SLC5A4: variants seen among roughly 807,000 people sequenced by gnomAD.
SLC5A4 encodes solute carrier family 5 member 4.
A neutral mutation model predicts 70.3 loss-of-function variants in SLC5A4; 55 were observed. That is an observed-to-expected ratio of 0.78 (90% CI 0.63 to 0.98). The LOEUF is 0.98. SLC5A4 is among the 50% of genes least tolerant of loss of function. The probability of loss-of-function intolerance (pLI) is 0.00; values close to 1 mark genes in which losing one functional copy is unlikely to be tolerated. For missense variants in SLC5A4, 735 were observed against 839.2 expected (o/e 0.88, Z 1.53); for synonymous variants, 268 against 305.7 (o/e 0.88, Z 1.29).
chr22:32,305,488 C>T, the SLC5A4 span, among the ~76,000 whole-genome samples: 1 of 148,990 alleles, frequency 6.7e-6, no homozygotes, highest in Non-Finnish European at 1.5e-5. Context: ...TATTTGCCAC[C>T]ATCCATTGCC....
the SLC5A4 span, among the ~76,000 whole-genome samples, chr22:32,331,521 C>CA: frequency 2.6e-5 from 4 of 152,254 alleles, no homozygotes; most frequent in Admixed American, 2.0e-4. Context: ...TAAATAATGA[C>CA]ACACGGAAAC....
At chr22:32,293,909 T>G in the SLC5A4 span, among the ~76,000 whole-genome samples, 3 of 152,318 alleles carry the variant, frequency 2.0e-5, no homozygotes, top group African/African-American at 7.2e-5. Context: ...ATATACTGTT[T>G]GATATAGTAG....
chr22:32,326,975 G>A, the SLC5A4 span, among the ~76,000 whole-genome samples: 2 of 152,194 alleles, frequency 1.3e-5, no homozygotes, highest in African/African-American at 4.8e-5. Flanking sequence ...CTCCAGCAGG[G>A]CCCCGTGCTG....
the SLC5A4 span, among the ~76,000 whole-genome samples, chr22:32,347,742 T>C: frequency 6.7e-6 from 1 of 148,564 alleles, no homozygotes; most frequent in Non-Finnish European, 1.5e-5. Context: ...TATTAGAAGA[T>C]ATACCTAATG....
At chr22:32,297,882 T>C in the SLC5A4 span, among the ~76,000 whole-genome samples, 3 of 100,880 alleles carry the variant, frequency 3.0e-5, no homozygotes, top group African/African-American at 7.5e-5. Flanking sequence ...TCAAAGAACA[T>C]CTTTATTTCT....
the SLC5A4 span, among the ~76,000 whole-genome samples, chr22:32,312,970 CTT>C: frequency 6.6e-6 from 1 of 152,134 alleles, no homozygotes; most frequent in South Asian, 2.1e-4. Flanking sequence ...AACCATGTGA[CTT>C]TAAGACTGGA....
the SLC5A4 span, among the ~76,000 whole-genome samples, chr22:32,320,732 T>A: frequency 9.6e-6 from 1 of 104,484 alleles, no homozygotes; most frequent in East Asian, 4.2e-4. Flanking sequence ...AAAACTGCTT[T>A]AAAAAAAATC....
In SLC5A4 at chr22:32,231,002, T is replaced by C. The variant is rs1925721415; in HGVS notation, c.1095A>G (p.Ala365=). 6.2e-7 allele frequency: 1 copy of C among 1,613,908 alleles called. No homozygotes were observed. The change falls in exon 10 of 15, where the codon GCA becomes GCG. Residue 365 remains alanine, a synonymous_variant. Transcript: ENST00000266086. Reference sequence around the variant, plus strand: ...TCAGTTCCAGCACCATCGTGGGGTATGCGTAGTTGGTGCAGCCAACATCAA... The same window carrying C: ...TCAGTTCCAGCACCATCGTGGGGTACGCGTAGTTGGTGCAGCCAACATCAA... ...CGVDVGCTNY[A]YPTMVLELMP... is the part of the protein sequence containing the mutation.
chr22:32,276,415 A>G, the SLC5A4 span, among the ~76,000 whole-genome samples: 3 of 152,242 alleles, frequency 2.0e-5, no homozygotes, highest in African/African-American at 7.2e-5. Flanking sequence ...TTTGTATTAT[A>G]GTTTGCTAAG....
upstream of SLC5A4, among the ~76,000 whole-genome samples, chr22:32,256,478 G>A (rs1184699347): frequency 6.6e-6 from 1 of 152,086 alleles, no homozygotes; most frequent in Non-Finnish European, 1.5e-5. Context: ...TTGGCATTAA[G>A]TACATTTACA....
the SLC5A4 span, among the ~76,000 whole-genome samples, chr22:32,307,934 C>G: frequency 6.6e-6 from 1 of 151,888 alleles, no homozygotes; most frequent in Non-Finnish European, 1.5e-5. Flanking sequence ...GGGATTCTTA[C>G]ATGTTTCCAA....
rs1009442676 is a variant in SLC5A4 at position 32,225,905 on chromosome 22, C to T, written c.1281-82G>A. ...TTGTGCTTTAGTTCTAGCGTTCATT[C>T]TTGTTGTCACTCATTGATTTTCCAA... On this transcript the variant is annotated intron_variant, in intron 11 of 14. Transcript: ENST00000266086. The T allele has an allele frequency of 4.3e-6, 4 of 921,128 alleles. No homozygotes were observed. In the African/African-American group the frequency reaches 6.8e-5, roughly 16 times the overall value. The allele number at this position is 921,128 out of a possible 1,614,324, so 57.1% of individuals were successfully genotyped here.
In SLC5A4 at chr22:32,234,911, T is replaced by C. The variant is rs145995354; in HGVS notation, c.847A>G (p.Met283Val). The C allele has an allele frequency of 3.1e-4, 505 of 1,612,804 alleles. No individual in the cohort carries two copies. The highest frequency in any genetic ancestry group is 3.9e-4 in the Non-Finnish European group (458 of 1,179,990). Residue 283 changes from methionine to valine, a missense_variant, in exon 8 of 15, where the codon ATG becomes GTG. By Grantham distance (21) the Met-to-Val change is conservative. Coordinates refer to ENST00000266086, the MANE Select transcript of SLC5A4 (RefSeq NM_014227.3). ...DIPWPGIIFG[M>V]PITALWYWCT... ...CAGTACCACAAAGCTGTAATGGGCA[T>C]TCCAAATATAATTCCTGGCCATGGA...
chr22:32,332,579 G>A, the SLC5A4 span, among the ~76,000 whole-genome samples: 25 of 152,206 alleles, frequency 1.6e-4, no homozygotes, highest in Non-Finnish European at 1.5e-5. Flanking sequence ...GGGGCTGGGA[G>A]CCTCTGCAGA....
chr22:32,271,595 T>C, the SLC5A4 span: 1 of 681,768 alleles, frequency 1.5e-6, no homozygotes, highest in Non-Finnish European at 2.7e-6. Context: ...GTGTTTCCAC[T>C]ACTTCGAGGA....
At chr22:32,234,461 G>A (rs1925943327) in intron 8 of SLC5A4, among the ~76,000 whole-genome samples, 1 of 152,178 alleles carries the variant, frequency 6.6e-6, no homozygotes. Context: ...CACTTTGAGA[G>A]GCCGAGGCGG....
intron 13 of SLC5A4, among the ~76,000 whole-genome samples, chr22:32,224,006 C>T (rs1231089052): frequency 2.0e-5 from 3 of 151,936 alleles, no homozygotes; most frequent in Non-Finnish European, 2.9e-5. Context: ...CTGCAAGCTC[C>T]GCCTCCCAGG....
At chr22:32,272,927 G>A in the SLC5A4 span, 10 of 531,202 alleles carry the variant, frequency 1.9e-5, no homozygotes, top group South Asian at 1.1e-4. Flanking sequence ...CGCACCTTCC[G>A]GATGCTGCGT....
chr22:32,220,010 T>C (rs1178370343), intron 14 of SLC5A4, among the ~76,000 whole-genome samples: 1 of 146,756 alleles, frequency 6.8e-6, no homozygotes, highest in East Asian at 2.0e-4. Context: ...TTATATAAAT[T>C]TGATCAGTAA....
Sources: gnomAD v4.1 joint callset for allele counts (sites outside exome capture counted in the v4.1 genomes callset) on GRCh38, gnomAD v4.1.1 for gene constraint, MANE v1.5 for transcripts, NCBI Gene and HGNC (gene_info 2026-07-23, HGNC 2026-07-21) for gene names.